Variants in CDIP1 observed in about 807,000 individuals in gnomAD.
CDIP1 encodes cell death-inducing p53-target protein 1.
A neutral mutation model predicts 17.7 loss-of-function variants in CDIP1; 9 were observed. That is an observed-to-expected ratio of 0.51 (90% CI 0.31 to 0.89). The LOEUF is 0.89. CDIP1 is among the 40% of genes least tolerant of loss of function. CDIP1 has a pLI of 0.05. For synonymous variants in CDIP1, 117 were observed against 109.5 expected, an observed-to-expected ratio of 1.07 and a Z score of -0.43; for missense variants, 263 against 277.9, an observed-to-expected ratio of 0.95 and a Z score of 0.38.
Position 4,513,549 on chromosome 16 carries a change from C to A in CDIP1, c.241+147G>T. 8.4e-6 allele frequency: 6 copies of A among 712,858 alleles called. No homozygotes were observed. In the South Asian group the frequency reaches 1.1e-4, roughly 13 times the overall value. 44.2% of individuals were successfully genotyped at this position (712,858 alleles called of 1,614,324 possible). On this transcript the variant is annotated intron_variant, in intron 4 of 5. Coordinates refer to ENST00000567695, the MANE Select transcript of CDIP1 (RefSeq NM_013399.3). This position sits in a 1 kb window ranked among gnomAD's most constrained non-coding sequence, Gnocchi z 4.1. ...CCCACGTCCACAGTCCCTGTCCACA[C>A]ACAGCCTGAGCCCTAGGCAAGGGCT...
chr16:4,512,206 G>C lies in CDIP1; in HGVS notation c.*366C>G. On this transcript the variant is annotated 3_prime_UTR_variant, in exon 6 of 6. Coordinates refer to ENST00000567695, the MANE Select transcript of CDIP1 (RefSeq NM_013399.3). The surrounding 1 kb of genome is among the most constrained non-coding windows in gnomAD (Gnocchi z 4.6). Reference sequence around the variant, plus strand: ...GACTAACTGGCTAACTGCTCTGGCTGCTGTTGGTCCCAGGGGGAAAGAGTC... The same window carrying C: ...GACTAACTGGCTAACTGCTCTGGCTCCTGTTGGTCCCAGGGGGAAAGAGTC... The C allele has an allele frequency of 3.6e-6, 1 of 279,840 alleles. No homozygotes were observed. The allele number at this position is 279,840 out of a possible 1,614,324, so 17.3% of individuals were successfully genotyped here.
intron 1 of CDIP1, chr16:4,523,687 T>G (rs2058973733): frequency 6.6e-6 from 1 of 152,264 alleles, no homozygotes; most frequent in Non-Finnish European, 1.5e-5. Context: ...ATCGCCGTTC[T>G]GGAGCTCTAA....
Position 4,511,611 on chromosome 16 carries a change from T to C in CDIP1, c.*961A>G, listed in dbSNP as rs2058830361. The C allele has an allele frequency of 6.6e-6, 1 of 152,100 alleles. No individual in the cohort carries two copies. Among genetic ancestry groups the C allele is most frequent in the Non-Finnish European group, 1.5e-5 (1 of 68,104 alleles). 9.4% of individuals were successfully genotyped at this position (152,100 alleles called of 1,614,324 possible). A position where few individuals can be genotyped will look rare whatever the true frequency, so the allele number is the denominator to read the frequency against. On this transcript the variant is annotated 3_prime_UTR_variant, in exon 6 of 6. Coordinates refer to ENST00000567695, the MANE Select transcript of CDIP1 (RefSeq NM_013399.3). ...CACAGCAACAGCCTGTCAGCTGGGG[T>C]GAGGGGCCCGGCACTTACAGGGAAG...
chr16:4,529,216 G>A (rs1200396679), intron 1 of CDIP1, among the ~76,000 whole-genome samples: 1 of 152,170 alleles, frequency 6.6e-6, no homozygotes, highest in Non-Finnish European at 1.5e-5. Context: ...CAGGCAAATG[G>A]AAAGTTTAGA....
chr16:4,525,398 G>A (rs2058989447), intron 1 of CDIP1, among the ~76,000 whole-genome samples: 2 of 152,192 alleles, frequency 1.3e-5, no homozygotes, highest in Admixed American at 1.3e-4. Context: ...GAGCTGAGGA[G>A]GACGATGGCG....
At chr16:4,517,728 G>A (rs1358353182) in intron 1 of CDIP1, among the ~76,000 whole-genome samples, 3 of 147,296 alleles carry the variant, frequency 2.0e-5, no homozygotes, top group East Asian at 2.0e-4. Context: ...GCAACAGTGC[G>A]AGACCCTGTC....
In CDIP1 at chr16:4,513,911, C is replaced by G; in HGVS notation, c.86-60G>C. On this transcript the variant is annotated intron_variant, in intron 3 of 5. Transcript: ENST00000567695. The surrounding 1 kb of genome is among the most constrained non-coding windows in gnomAD (Gnocchi z 4.1). ...TGGAGCCTCTGCACGATGAGCTCGA[C>G]CAGAGGCCACTGTTTTGGGACACAG... The G allele has an allele frequency of 6.8e-7, 1 of 1,471,174 alleles. No individual in the cohort carries two copies. Among genetic ancestry groups the G allele is most frequent in the Non-Finnish European group, 9.1e-7 (1 of 1,094,800 alleles). 91.1% of individuals were successfully genotyped at this position (1,471,174 alleles called of 1,614,324 possible). A position where few individuals can be genotyped will look rare whatever the true frequency, so the allele number is the denominator to read the frequency against.
At chr16:4,535,700 G>C (rs1173116506) in intron 1 of CDIP1, among the ~76,000 whole-genome samples, 2 of 152,252 alleles carry the variant, frequency 1.3e-5, no homozygotes, top group Non-Finnish European at 2.9e-5. Context: ...TCACAGAGTA[G>C]GAGAAGTGGT....
Position 4,513,900 on chromosome 16 carries a change from G to A in CDIP1, c.86-49C>T, listed in dbSNP as rs371156645. On this transcript the variant is annotated intron_variant, in intron 3 of 5. Transcript: ENST00000567695. This position sits in a 1 kb window ranked among gnomAD's most constrained non-coding sequence, Gnocchi z 4.1. ...GGAGACTGAGCTGGAGCCTCTGCAC[G>A]ATGAGCTCGACCAGAGGCCACTGTT... The A allele has an allele frequency of 4.3e-5, 64 of 1,504,680 alleles. No homozygotes were observed. The highest frequency in any genetic ancestry group is 8.4e-5 in the African/African-American group (6 of 71,038). The allele number at this position is 1,504,680 out of a possible 1,614,324, so 93.2% of individuals were successfully genotyped here.
At chr16:4,521,691 C>T (rs2058950453) in intron 1 of CDIP1, among the ~76,000 whole-genome samples, 1 of 124,344 alleles carries the variant, frequency 8.0e-6, no homozygotes, top group South Asian at 3.0e-4. Flanking sequence ...GGCAAGACGT[C>T]ATCAATATTA....
At chr16:4,521,352 ACTG>A (rs1567416888) in intron 1 of CDIP1, among the ~76,000 whole-genome samples, 2 of 152,278 alleles carry the variant, frequency 1.3e-5, no homozygotes, top group South Asian at 2.1e-4. Context: ...CATTTCAAGA[ACTG>A]CTGTGCTAGA....
At chr16:4,534,699 T>TG (rs1448595940) in intron 1 of CDIP1, among the ~76,000 whole-genome samples, 1 of 149,036 alleles carries the variant, frequency 6.7e-6, no homozygotes, top group African/African-American at 2.6e-5. Context: ...GGTTTTTTTT[T>TG]TTTTTTTTTT....
At chr16:4,523,378 G>A (rs2058970415) in intron 1 of CDIP1, among the ~76,000 whole-genome samples, 2 of 152,320 alleles carry the variant, frequency 1.3e-5, no homozygotes, top group South Asian at 4.1e-4. Context: ...GCTGGGCGTG[G>A]TGGCACGTGC....
chr16:4,512,894 C>T lies in CDIP1; in HGVS notation c.412G>A (p.Val138Met). ...TGGCAGTGGGGACACACCGTCTGCA[C>T]AGGCGCTCCCTCAAAGATCTCTCCC... The part of the protein sequence containing the change: ...LQGEIFEGAP[V>M]QTVCPHCQQA... The change falls in exon 5 of 6, where the codon GTG (valine) becomes ATG (methionine). Residue 138 changes from valine (V) to methionine (M), a missense_variant. Physicochemically the swap from Val to Met is conservative, Grantham distance 21. Transcript: ENST00000567695. The surrounding 1 kb of genome is among the most constrained non-coding windows in gnomAD (Gnocchi z 4.6). 6.4e-7 allele frequency: 1 copy of T among 1,568,418 alleles called. No homozygotes were observed. Among genetic ancestry groups the T allele is most frequent in the Non-Finnish European group, 8.6e-7 (1 of 1,156,334 alleles).
intron 1 of CDIP1, among the ~76,000 whole-genome samples, chr16:4,515,353 A>G (rs762419860): frequency 1.3e-5 from 2 of 152,210 alleles, no homozygotes; most frequent in Non-Finnish European, 2.9e-5. Flanking sequence ...TGAAAACTGA[A>G]AGAGATCAAA....
chr16:4,519,962 C>T (rs2058928043), intron 1 of CDIP1, among the ~76,000 whole-genome samples: 1 of 152,148 alleles, frequency 6.6e-6, no homozygotes, highest in Admixed American at 6.6e-5. Context: ...AATTACTCAG[C>T]CTCAGGTAAT....
rs1373475538 is a variant in CDIP1, at chr16:4,513,803, G to A, written c.134C>T (p.Pro45Leu). ...GGGTGGGGGGCCAATGTCCGCAGGG[G>A]GCAGTGGCATGCCTGGAGGGGGCTG... is the stretch of plus-strand genomic sequence containing the variant. ...VMQPPPGMPL[P>L]PADIGPPPYE... Residue 45 changes from proline to leucine, a missense_variant, in exon 4 of 6, where the codon CCC (proline) becomes CTC (leucine). Transcript: ENST00000567695. The surrounding 1 kb of genome is among the most constrained non-coding windows in gnomAD (Gnocchi z 4.1). 2 of 1,601,940 alleles carry A rather than the reference G, an allele frequency of 1.2e-6. No individual in the cohort carries two copies. Among genetic ancestry groups the A allele is most frequent in the East Asian group, 2.2e-5 (1 of 44,788 alleles).
At chr16:4,525,603 C>T (rs894986168) in intron 1 of CDIP1, among the ~76,000 whole-genome samples, 3 of 152,228 alleles carry the variant, frequency 2.0e-5, no homozygotes, top group Non-Finnish European at 4.4e-5. Flanking sequence ...CACCCAAGTC[C>T]ATGTGGGACC....
chr16:4,511,212 AG>A lies in CDIP1; in HGVS notation c.*1359del, dbSNP rs1248949016. The A allele has an allele frequency of 6.6e-6, 1 of 152,556 alleles. No homozygotes were observed. Among genetic ancestry groups the A allele is most frequent in the East Asian group, 1.9e-4 (1 of 5,200 alleles). 9.5% of individuals were successfully genotyped at this position (152,556 alleles called of 1,614,324 possible). On this transcript the variant is annotated 3_prime_UTR_variant, in exon 6 of 6. Coordinates refer to ENST00000567695, the MANE Select transcript of CDIP1 (RefSeq NM_013399.3). ...GGCAGTTGGCATGGCATCAGCACTG[AG>A]GGTGTGAGACCCTGAGGACTCAGCC...
Sources: allele counts gnomAD v4.1 joint callset (sites outside exome capture counted in the v4.1 genomes callset), GRCh38; gene constraint gnomAD v4.1.1; non-coding constraint Gnocchi (gnomAD v3.1); transcripts MANE v1.5; gene names NCBI Gene and HGNC (gene_info 2026-07-23, HGNC 2026-07-21).